The following FBLN2 variants were observed in gnomAD, a reference collection of about 807,000 sequenced individuals.
FBLN2 encodes fibulin-2.
Under a neutral mutation model 123.7 loss-of-function variants are expected in FBLN2, and 81 were observed. The ratio of observed to expected loss-of-function variants is 0.65; its 90% CI spans 0.55 to 0.79. FBLN2 has a LOEUF of 0.79. Among genes scored for constraint, FBLN2 ranks in the 30% least tolerant of loss-of-function variants. The pLI is 0.00. For missense variants in FBLN2, 1,603 were observed against 1,681.3 expected, an observed-to-expected ratio of 0.95 and a Z score of 0.81; for synonymous variants, 699 against 701.4, an observed-to-expected ratio of 1.00 and a Z score of 0.05.
chr3:13,628,139 G>A (rs749274202), intron 11 of FBLN2, among the ~76,000 whole-genome samples, 170 bp downstream of exon 11: 3 of 152,200 alleles, frequency 2.0e-5, no homozygotes, highest in African/African-American at 7.2e-5. Context: ...AACCCTGGGG[G>A]CACCACTGTC....
chr3:13,628,510 C>T (rs777283320), intron 11 of FBLN2, among the ~76,000 whole-genome samples: 11 of 152,214 alleles, frequency 7.2e-5, no homozygotes, highest in African/African-American at 1.4e-4. Context: ...AGATTCTACC[C>T]GCTCTGCGCC....
chr3:13,587,128 C>T (rs939863346), intron 2 of FBLN2, among the ~76,000 whole-genome samples: 6 of 126,468 alleles, frequency 4.7e-5, no homozygotes, highest in African/African-American at 1.8e-4. Context: ...CGGGGTGACA[C>T]AGCGAGACTC....
intron 5 of FBLN2, among the ~76,000 whole-genome samples, chr3:13,615,903 C>G (rs1056460706): frequency 1.3e-5 from 2 of 152,226 alleles, no homozygotes; most frequent in Admixed American, 6.5e-5. Flanking sequence ...ATCTCTGTCA[C>G]TATAATGCAA....
chr3:13,636,301 TG>T, intron 16 of FBLN2, 143 bp from the exon 17 acceptor site: 1 of 940,332 alleles, frequency 1.1e-6, no homozygotes, highest in Non-Finnish European at 1.6e-6. Context: ...GCAGGTGAGA[TG>T]GGGCATGTGT....
intron 10 of FBLN2, 56 bp from the exon 11 acceptor site, chr3:13,627,776 G>A: frequency 6.5e-7 from 1 of 1,549,912 alleles, no homozygotes; most frequent in Non-Finnish European, 8.7e-7. Context: ...CAGGGCTGCT[G>A]AGTGTAAAGG....
chr3:13,620,013 G>A (rs750662941), intron 8 of FBLN2, among the ~76,000 whole-genome samples, 182 bp downstream of exon 8: 4 of 152,186 alleles, frequency 2.6e-5, no homozygotes, highest in Non-Finnish European at 5.9e-5. Flanking sequence ...CGTACGTGCG[G>A]TGTATACATG....
chr3:13,614,414 C>T (rs947307845), intron 5 of FBLN2, among the ~76,000 whole-genome samples: 1 of 152,144 alleles, frequency 6.6e-6, no homozygotes, highest in African/African-American at 2.4e-5. Context: ...TATACATCTT[C>T]CTCCCTGTCT....
chr3:13,596,727 C>T (rs1423873003), intron 2 of FBLN2, among the ~76,000 whole-genome samples: 1 of 152,072 alleles, frequency 6.6e-6, no homozygotes, highest in Non-Finnish European at 1.5e-5. Context: ...TCCCCACTCC[C>T]AGCCCTTGGC....
intron 9 of FBLN2, among the ~76,000 whole-genome samples, chr3:13,623,522 C>T (rs1170170562): frequency 6.6e-6 from 1 of 152,190 alleles, no homozygotes; most frequent in Admixed American, 6.5e-5. Context: ...TTCATCCCGT[C>T]GTGTTAGTAC....
chr3:13,618,282 C>T lies in FBLN2; in HGVS notation c.1936C>T (p.Pro646Ser). The stretch of plus-strand genomic sequence containing the variant: ...GCAGGACGATGGCCGCACTTGCCGC[C>T]CAGGTAAGGGCCCTGATGGCCAGGG... ...SLQDDGRTCR[P>S]EGHPPQPEAP... is the part of the protein sequence containing the mutation. The change falls in exon 6 of 18, where the codon CCA becomes TCA. Residue 646 changes from proline to serine, a missense_variant. Physicochemically the swap from Pro to Ser is moderately conservative, Grantham distance 74. Transcript: ENST00000404922. 6.2e-7 allele frequency: 1 copy of T among 1,613,760 alleles called. No individual in the cohort carries two copies. The highest frequency in any genetic ancestry group is 8.5e-7 in the Non-Finnish European group (1 of 1,179,874).
intron 2 of FBLN2, among the ~76,000 whole-genome samples, chr3:13,577,713 A>G (rs1704195502): frequency 6.6e-6 from 1 of 152,234 alleles, no homozygotes; most frequent in African/African-American, 2.4e-5. Context: ...GAATGGGAGC[A>G]GGTGGCTGCC....
intron 2 of FBLN2, among the ~76,000 whole-genome samples, chr3:13,605,913 T>G (rs1024464199): frequency 5.9e-5 from 9 of 152,158 alleles, no homozygotes; most frequent in African/African-American, 2.2e-4. Flanking sequence ...ATATTTCTAG[T>G]TTAATGGATA....
intron 5 of FBLN2, 37 bp downstream of exon 5, chr3:13,614,201 C>A: frequency 6.3e-7 from 1 of 1,590,718 alleles, no homozygotes; most frequent in South Asian, 1.1e-5. Context: ...GCATATAGGG[C>A]GAAGGCTGGT....
intron 1 of FBLN2, among the ~76,000 whole-genome samples, chr3:13,564,531 AC>A (rs1232638334): frequency 2.0e-5 from 3 of 152,236 alleles, no homozygotes; most frequent in African/African-American, 7.2e-5. Flanking sequence ...CAAATACTGT[AC>A]AGGACATCCT....
chr3:13,551,452 G>A lies in FBLN2; in HGVS notation c.-42+2244G>A, dbSNP rs543080923. On this transcript the variant is annotated intron_variant, in intron 1 of 17. Transcript: ENST00000404922. ...CAGATCCCGACATCCCTCCTGCAGGGTGGAACTCTTGCACCTATTTAAGAG... is the reference window on the plus strand; with the variant it reads ...CAGATCCCGACATCCCTCCTGCAGGATGGAACTCTTGCACCTATTTAAGAG... Among the ~76,000 whole-genome samples, 12 of 152,306 alleles carry A rather than the reference G, an allele frequency of 7.9e-5. No individual in the cohort carries two copies. The East Asian group carries it at 1.9e-3, about 24-fold the overall frequency.
At chr3:13,592,683 G>A (rs1360061001) in intron 2 of FBLN2, among the ~76,000 whole-genome samples, 1 of 152,186 alleles carries the variant, frequency 6.6e-6, no homozygotes, top group South Asian at 2.1e-4. Flanking sequence ...CATTTTTAGT[G>A]TAGAGTTCTT....
intron 1 of FBLN2, among the ~76,000 whole-genome samples, chr3:13,550,582 C>T (rs990268032): frequency 6.6e-6 from 1 of 152,260 alleles, no homozygotes; most frequent in African/African-American, 2.4e-5. Flanking sequence ...AATTGGGTGG[C>T]AGCTGAGAAG....
At chr3:13,625,702 G>A (rs751161938) in intron 9 of FBLN2, among the ~76,000 whole-genome samples, 1 of 151,890 alleles carries the variant, frequency 6.6e-6, no homozygotes, top group Non-Finnish European at 1.5e-5. Context: ...ACTTCTCCCA[G>A]CCCATTGAAG....
chr3:13,571,878 G>A (rs1396984351), intron 2 of FBLN2, among the ~76,000 whole-genome samples: 4 of 152,104 alleles, frequency 2.6e-5, no homozygotes, highest in African/African-American at 9.7e-5. Context: ...GTGGGAGTGG[G>A]GTTCCTGTTG....
Sources: allele counts gnomAD v4.1 joint callset (sites outside exome capture counted in the v4.1 genomes callset), GRCh38; gene constraint gnomAD v4.1.1; transcripts MANE v1.5; gene names NCBI Gene and HGNC (gene_info 2026-07-23, HGNC 2026-07-21).